RAD18: variants seen among roughly 807,000 people sequenced by gnomAD.
The protein encoded by RAD18 is E3 ubiquitin-protein ligase RAD18.
RAD18 carries 47 observed loss-of-function variants against 60.4 expected under a neutral mutation model. The ratio of observed to expected loss-of-function variants is 0.78; its 90% CI spans 0.62 to 0.99. The LOEUF is 0.99. Among genes scored for constraint, RAD18 ranks in the 50% least tolerant of loss-of-function variants. The pLI is 0.00. For synonymous variants in RAD18, 225 were observed against 195.5 expected, an observed-to-expected ratio of 1.15 and a Z score of -1.26; for missense variants, 640 against 593.3, an observed-to-expected ratio of 1.08 and a Z score of -0.82.
intron 6 of RAD18, among the ~76,000 whole-genome samples, chr3:8,937,318 C>T (rs1330224638): frequency 6.6e-6 from 1 of 152,122 alleles, no homozygotes; most frequent in African/African-American, 2.4e-5. Context: ...CTGTACTGTT[C>T]ACTGGCATTT....
chr3:8,960,709 G>C (rs888723282), intron 1 of RAD18, among the ~76,000 whole-genome samples: 2 of 152,170 alleles, frequency 1.3e-5, no homozygotes, highest in African/African-American at 4.8e-5. Context: ...AGTCTACAGA[G>C]TTCCTAAGTT....
At chr3:8,957,721 T>C (rs1383050498) in intron 2 of RAD18, among the ~76,000 whole-genome samples, 1 of 152,124 alleles carries the variant, frequency 6.6e-6, no homozygotes, top group Non-Finnish European at 1.5e-5. Context: ...CTAAGATCAA[T>C]GGAATAGAAG....
At chr3:8,922,660 A>AC (rs1236002791) in intron 7 of RAD18, among the ~76,000 whole-genome samples, 1 of 152,018 alleles carries the variant, frequency 6.6e-6, no homozygotes, top group Non-Finnish European at 1.5e-5. Context: ...ACTGGGAGGC[A>AC]CCTCCCAGTA....
intron 7 of RAD18, among the ~76,000 whole-genome samples, chr3:8,935,571 C>T (rs973244329): frequency 2.0e-5 from 3 of 152,078 alleles, no homozygotes; most frequent in Non-Finnish European, 2.9e-5. Flanking sequence ...AGCTGAAAAA[C>T]GGGCACTGTA....
chr3:8,914,169 C>T (rs533740984), intron 7 of RAD18, among the ~76,000 whole-genome samples: 2 of 152,320 alleles, frequency 1.3e-5, no homozygotes, highest in African/African-American at 4.8e-5. Context: ...CCTCCAGAAC[C>T]TTTGTCTGTA....
intron 8 of RAD18, among the ~76,000 whole-genome samples, chr3:8,912,649 A>G (rs947214553): frequency 6.6e-6 from 1 of 152,184 alleles, no homozygotes; most frequent in Non-Finnish European, 1.5e-5. Flanking sequence ...TCAATATTTA[A>G]TATCCCACAT....
At position 8,941,564 on chromosome 3, in the gene RAD18, G is replaced by A. The variant is rs780556372; in HGVS notation, c.507C>T (p.Thr169=). 3.1e-6 allele frequency: 5 copies of A among 1,614,028 alleles called. No homozygotes were observed. Among genetic ancestry groups the A allele is most frequent in the Non-Finnish European group, 4.2e-6 (5 of 1,179,978 alleles). Residue 169 remains threonine, a synonymous_variant, in exon 5 of 13, where the codon ACC becomes ACT. Transcript: ENST00000264926. ...TCTCTTCTACAGAACGTGTCTCTTT[G>A]GTCTTTGCAGCAGGGCTCGCCTCTT... ...PQKEASPAAK[T]KETRSVEEIA... is the part of the protein sequence containing the mutation.
chr3:8,914,216 T>C (rs1029470583), intron 7 of RAD18, among the ~76,000 whole-genome samples: 1 of 152,186 alleles, frequency 6.6e-6, no homozygotes, highest in Non-Finnish European at 1.5e-5. Flanking sequence ...ATAAAAGAGA[T>C]CTGGAATACA....
intron 7 of RAD18, among the ~76,000 whole-genome samples, chr3:8,930,958 A>G (rs1039905902): frequency 2.6e-5 from 4 of 152,190 alleles, no homozygotes; most frequent in East Asian, 1.9e-4. Flanking sequence ...GGAGAAAGGA[A>G]AGGATGTTTG....
In RAD18 at chr3:8,933,745, T is replaced by C. The variant is rs777189808; in HGVS notation, c.889+2126A>G. Among the ~76,000 whole-genome samples the C allele has an allele frequency of 2.6e-5, 4 of 152,258 alleles. No individual in the cohort carries two copies. In the South Asian group the frequency reaches 8.3e-4, roughly 32 times the overall value. On this transcript the variant is annotated intron_variant, in intron 7 of 12. Coordinates refer to ENST00000264926, the MANE Select transcript of RAD18 (RefSeq NM_020165.4). ...CATGAATTGGAAGACTCAAATACTA[T>C]ACAGATATCAACTATCTCAAAATTG...
chr3:8,918,862 G>A (rs1247647634), intron 7 of RAD18, among the ~76,000 whole-genome samples: 1 of 152,178 alleles, frequency 6.6e-6, no homozygotes, highest in African/African-American at 2.4e-5. Flanking sequence ...GGGTCCTAGT[G>A]CAGGATGTCC....
rs1463191526 is a variant in RAD18, at chr3:8,935,943, GTTGT to G, written c.813_816del (p.Lys271AsnfsTer29). ...AATTCTTGGTGCCTTTTAATGAGCTGTTGTTTATTTCCTTGAATAGATAATCCAT... is the reference window on the plus strand; with the variant it reads ...AATTCTTGGTGCCTTTTAATGAGCTGTTATTTCCTTGAATAGATAATCCAT... On this transcript the variant is annotated frameshift_variant, in exon 7 of 13. Transcript: ENST00000264926. LOFTEE classifies it high-confidence loss of function. 3 of 1,611,728 alleles carry G rather than the reference GTTGT, an allele frequency of 1.9e-6. No individual in the cohort carries two copies. The highest frequency in any genetic ancestry group is 2.5e-6 in the Non-Finnish European group (3 of 1,178,490).
At chr3:8,908,508 C>T (rs950268234) in intron 9 of RAD18, among the ~76,000 whole-genome samples, 1 of 152,128 alleles carries the variant, frequency 6.6e-6, no homozygotes, top group Non-Finnish European at 1.5e-5. Context: ...AGACCTAGAA[C>T]AGATCCTTCC....
intron 7 of RAD18, among the ~76,000 whole-genome samples, chr3:8,929,704 C>T (rs574361770): frequency 5.9e-5 from 9 of 151,372 alleles, no homozygotes; most frequent in Non-Finnish European, 8.8e-5. Context: ...TGCAATGGCA[C>T]GATCTCAGCT....
chr3:8,893,879 G>A (rs1187815911), intron 11 of RAD18, among the ~76,000 whole-genome samples: 2 of 151,694 alleles, frequency 1.3e-5, no homozygotes, highest in Admixed American at 1.3e-4. Flanking sequence ...TTGTAGAGAT[G>A]GCATCTCCCT....
intron 12 of RAD18, among the ~76,000 whole-genome samples, chr3:8,886,131 G>A (rs1015920558): frequency 6.6e-6 from 1 of 152,180 alleles, no homozygotes; most frequent in Admixed American, 6.5e-5. Flanking sequence ...GTGGCAATTA[G>A]AACATAATTA....
At chr3:8,901,615 A>G (rs1939914523) in intron 10 of RAD18, among the ~76,000 whole-genome samples, 1 of 152,186 alleles carries the variant, frequency 6.6e-6, no homozygotes, top group Non-Finnish European at 1.5e-5. Flanking sequence ...AGACACAGAA[A>G]GTGGAATTGT....
intron 11 of RAD18, among the ~76,000 whole-genome samples, chr3:8,896,145 G>T (rs1000358625): frequency 5.9e-5 from 9 of 152,158 alleles, no homozygotes; most frequent in African/African-American, 2.2e-4. Context: ...AGGGTTTTCT[G>T]TCCAGGAGAC....
chr3:8,909,737 C>G (rs1940075067), intron 9 of RAD18, among the ~76,000 whole-genome samples: 1 of 152,184 alleles, frequency 6.6e-6, no homozygotes, highest in African/African-American at 2.4e-5. Context: ...AGAAATTCCT[C>G]TATACCAGGG....
Sources: gnomAD v4.1 joint callset for allele counts (sites outside exome capture counted in the v4.1 genomes callset) on GRCh38, gnomAD v4.1.1 for gene constraint, MANE v1.5 for transcripts, NCBI Gene and HGNC (gene_info 2026-07-23, HGNC 2026-07-21) for gene names.